CDH20: variants seen among roughly 807,000 people sequenced by gnomAD.
CDH20 encodes cadherin-20.
A neutral mutation model predicts 74.2 loss-of-function variants in CDH20; 29 were observed. That is an observed-to-expected ratio of 0.39 (90% CI 0.29 to 0.53). The LOEUF (loss-of-function observed/expected upper bound fraction) is 0.53. Among genes scored for constraint, CDH20 ranks in the 20% least tolerant of loss-of-function variants. The pLI is 0.69. For synonymous variants in CDH20, 469 were observed against 405.4 expected, an observed-to-expected ratio of 1.16 and a Z score of -1.88; for missense variants, 988 against 1,048.3, an observed-to-expected ratio of 0.94 and a Z score of 0.79.
Position 61,467,403 on chromosome 18 carries a change from C to T in CDH20, c.-152-22999C>T, listed in dbSNP as rs1180271788. The stretch of plus-strand genomic sequence containing the variant: ...TCCCCAAAAGTCAGGTATAGAGTGT[C>T]TTTTTGACAAGCCAGTTACAATTTT... On this transcript the variant is annotated intron_variant, in intron 1 of 11. Coordinates refer to ENST00000262717, the MANE Select transcript of CDH20 (RefSeq NM_031891.4). 2.0e-5 allele frequency among the ~76,000 whole-genome samples: 3 copies of T among 152,006 alleles called. No individual in the cohort carries two copies. The East Asian group carries it at 5.8e-4, about 29-fold the overall frequency.
chr18:61,507,630 T>G, intron 6 of CDH20, 70 bp downstream of exon 6: 1 of 1,127,530 alleles, frequency 8.9e-7, no homozygotes, highest in Non-Finnish European at 1.3e-6. Context: ...TAGTAAGGAC[T>G]GTTGTATTAT....
chr18:61,339,943 G>A (rs1237764226), intron 1 of CDH20, among the ~76,000 whole-genome samples: 5 of 151,926 alleles, frequency 3.3e-5, no homozygotes, highest in Non-Finnish European at 7.4e-5. Flanking sequence ...GCCCGCCTCG[G>A]CCTCGCAAAG....
At chr18:61,497,587 G>T (rs548500007) in intron 2 of CDH20, among the ~76,000 whole-genome samples, 1 of 152,294 alleles carries the variant, frequency 6.6e-6, no homozygotes, top group East Asian at 1.9e-4. Flanking sequence ...CTCTATGCAC[G>T]TGTATCATGG....
chr18:61,356,116 C>G (rs1432828229), intron 1 of CDH20, among the ~76,000 whole-genome samples: 3 of 152,190 alleles, frequency 2.0e-5, no homozygotes, highest in Non-Finnish European at 4.4e-5. Flanking sequence ...GGTTCTCCAG[C>G]TTTAAAATTC....
chr18:61,447,888 T>C (rs1004015868), intron 1 of CDH20, among the ~76,000 whole-genome samples: 3 of 152,158 alleles, frequency 2.0e-5, no homozygotes, highest in Admixed American at 1.3e-4. Context: ...TAACGCTTGC[T>C]CCTGCCACTG....
At chr18:61,427,802 A>C (rs1014474798) in intron 1 of CDH20, among the ~76,000 whole-genome samples, 1 of 152,184 alleles carries the variant, frequency 6.6e-6, no homozygotes, top group East Asian at 1.9e-4. Context: ...GTGGTTCTGA[A>C]GAACAAATTT....
Position 61,434,097 on chromosome 18 carries a change from G to T in CDH20, c.-152-56305G>T, listed in dbSNP as rs1304597233. On this transcript the variant is annotated intron_variant, in intron 1 of 11. Transcript: ENST00000262717. ...CTTTATACTGTGACATATGATACAG[G>T]ACATAAGCAGCCTGTGTGTTTCTAG... 2.6e-5 allele frequency among the ~76,000 whole-genome samples: 4 copies of T among 152,200 alleles called. No homozygotes were observed. In the East Asian group the frequency reaches 5.8e-4, roughly 22 times the overall value.
chr18:61,400,237 A>G (rs902249816), intron 1 of CDH20, among the ~76,000 whole-genome samples: 1 of 152,194 alleles, frequency 6.6e-6, no homozygotes, highest in African/African-American at 2.4e-5. Context: ...AGAAGAAAAC[A>G]TCACACTATC....
At chr18:61,439,295 T>C (rs929488616) in intron 1 of CDH20, among the ~76,000 whole-genome samples, 2 of 152,188 alleles carry the variant, frequency 1.3e-5, no homozygotes, top group African/African-American at 2.4e-5. Context: ...ATCAGTTTTT[T>C]TAATAAATGG....
chr18:61,350,783 T>A (rs1453189867), intron 1 of CDH20, among the ~76,000 whole-genome samples: 1 of 152,158 alleles, frequency 6.6e-6, no homozygotes, highest in Non-Finnish European at 1.5e-5. Flanking sequence ...TGGCTCTGCC[T>A]CCTCTAGGTA....
chr18:61,469,844 C>T (rs1028200691), intron 1 of CDH20, among the ~76,000 whole-genome samples: 4 of 152,072 alleles, frequency 2.6e-5, no homozygotes, highest in Non-Finnish European at 4.4e-5. Context: ...CTTACTACAC[C>T]GAACACGGGG....
At chr18:61,529,672 T>C (rs1468357210) in intron 7 of CDH20, among the ~76,000 whole-genome samples, 4 of 152,220 alleles carry the variant, frequency 2.6e-5, no homozygotes, top group African/African-American at 9.6e-5. Flanking sequence ...TACCTTCTGA[T>C]CCTAATTTAT....
intron 7 of CDH20, among the ~76,000 whole-genome samples, chr18:61,530,804 C>A (rs1257285975): frequency 6.6e-6 from 1 of 152,166 alleles, no homozygotes; most frequent in African/African-American, 2.4e-5. Flanking sequence ...TGGAAACTGC[C>A]TGCCCCCCAG....
rs1248104776 is a variant in CDH20 at position 61,454,619 on chromosome 18, G to A, written c.-152-35783G>A. On this transcript the variant is annotated intron_variant, in intron 1 of 11. Transcript: ENST00000262717. ...TTCAGCCACCCTCTTCTAAAAATAAGGTCTGGGTAGAAGACTAGGACCACT... is the reference window on the plus strand; with the variant it reads ...TTCAGCCACCCTCTTCTAAAAATAAAGTCTGGGTAGAAGACTAGGACCACT... 2.6e-5 allele frequency among the ~76,000 whole-genome samples: 4 copies of A among 152,160 alleles called. No individual in the cohort carries two copies. In the East Asian group the frequency reaches 7.7e-4, roughly 29 times the overall value.
intron 1 of CDH20, among the ~76,000 whole-genome samples, chr18:61,425,954 G>A (rs1336181557): frequency 6.6e-6 from 1 of 152,140 alleles, no homozygotes. Flanking sequence ...AACACTCCCA[G>A]TACTTCACTC....
rs1476680433 is a variant in CDH20, at chr18:61,507,557, G to A, written c.1014G>A (p.Lys338=). 6.2e-7 allele frequency: 1 copy of A among 1,602,718 alleles called. No homozygotes were observed. Among genetic ancestry groups the A allele is most frequent in the South Asian group, 1.1e-5 (1 of 88,652 alleles). The change falls in exon 6 of 12, where the codon AAG becomes AAA. Residue 338 remains lysine (K), a synonymous_variant. Transcript: ENST00000262717. ...TCCAAGTTGGTATCATAACTGTGAAGAAGGTAATCCAACTCCTTTTTCTAA... is the reference window on the plus strand; with the variant it reads ...TCCAAGTTGGTATCATAACTGTGAAAAAGGTAATCCAACTCCTTTTTCTAA... The part of the protein sequence containing the change: ...PNFQVGIITV[K]KPLSFESKKS...
chr18:61,359,892 T>C (rs967635466), intron 1 of CDH20, among the ~76,000 whole-genome samples: 24 of 152,218 alleles, frequency 1.6e-4, no homozygotes, highest in African/African-American at 5.5e-4. Context: ...ACTCCATCTA[T>C]GTGCACCAAG....
At chr18:61,373,547 G>C (rs746992791) in intron 1 of CDH20, among the ~76,000 whole-genome samples, 3 of 152,024 alleles carry the variant, frequency 2.0e-5, no homozygotes, top group Admixed American at 2.0e-4. Flanking sequence ...CTTCTCCAGC[G>C]CTCCTTCCAA....
chr18:61,475,720 T>G (rs1910353315), intron 1 of CDH20, among the ~76,000 whole-genome samples: 1 of 152,174 alleles, frequency 6.6e-6, no homozygotes, highest in Non-Finnish European at 1.5e-5. Context: ...AATGATCAAT[T>G]GATAATAATT....
Sources: gnomAD v4.1 joint callset for allele counts (sites outside exome capture counted in the v4.1 genomes callset) on GRCh38, gnomAD v4.1.1 for gene constraint, MANE v1.5 for transcripts, NCBI Gene and HGNC (gene_info 2026-07-23, HGNC 2026-07-21) for gene names.